PER3: variants seen among roughly 807,000 people sequenced by gnomAD.
PER3 encodes period circadian regulator 3.
Under a neutral mutation model 127.2 loss-of-function variants are expected in PER3, and 107 were observed. The ratio of observed to expected loss-of-function variants is 0.84; its 90% confidence interval spans 0.72 to 0.99. The LOEUF (loss-of-function observed/expected upper bound fraction) is 0.99. PER3 is among the 50% of genes least tolerant of loss of function. The pLI is 0.00. For synonymous variants in PER3, 618 were observed against 585.8 expected (o/e 1.05, Z -0.79); for missense variants, 1,560 against 1,525.8 (o/e 1.02, Z -0.37).
intron 7 of PER3, among the ~76,000 whole-genome samples, chr1:7,800,438 C>T (rs566317559): frequency 1.3e-5 from 2 of 151,562 alleles, no homozygotes; most frequent in Non-Finnish European, 2.9e-5. Context: ...AAATTCCTGA[C>T]CTCAAGTGAT....
intron 3 of PER3, 56 bp from the exon 4 acceptor site, chr1:7,786,665 T>C: frequency 2.2e-6 from 2 of 892,048 alleles, no homozygotes; most frequent in Non-Finnish European, 3.8e-6. Flanking sequence ...GATGAAATGG[T>C]TTCCTAAAGA....
intron 13 of PER3, among the ~76,000 whole-genome samples, chr1:7,811,224 A>C (rs1390673770): frequency 6.6e-6 from 1 of 152,224 alleles, no homozygotes; most frequent in Non-Finnish European, 1.5e-5. Flanking sequence ...ATGTTAATAT[A>C]ACTTGGAAGT....
intron 6 of PER3, among the ~76,000 whole-genome samples, chr1:7,796,654 AGT>A (rs1323147375): frequency 6.6e-6 from 1 of 151,998 alleles, no homozygotes; most frequent in Non-Finnish European, 1.5e-5. Context: ...TGTTGGCTGC[AGT>A]GTTGAAGATA....
chr1:7,825,449 T>TA (rs1430932834), intron 16 of PER3, among the ~76,000 whole-genome samples: 1 of 152,196 alleles, frequency 6.6e-6, no homozygotes, highest in East Asian at 1.9e-4. Flanking sequence ...AGTGTAGAAG[T>TA]ATGAGACAAC....
chr1:7,836,112 C>A (rs2097357112), intron 20 of PER3, among the ~76,000 whole-genome samples, 167 bp downstream of exon 20: 1 of 152,164 alleles, frequency 6.6e-6, no homozygotes, highest in Non-Finnish European at 1.5e-5. Flanking sequence ...ATTCTTCTGC[C>A]TCAGCCTCCC....
chr1:7,822,928 C>T (rs2097284110), intron 16 of PER3, among the ~76,000 whole-genome samples: 1 of 151,934 alleles, frequency 6.6e-6, no homozygotes, highest in African/African-American at 2.4e-5. Flanking sequence ...GTGTGGTGAC[C>T]CACACCTGTA....
chr1:7,822,317 G>A (rs1471981990), intron 16 of PER3, among the ~76,000 whole-genome samples: 3 of 151,204 alleles, frequency 2.0e-5, no homozygotes, highest in Admixed American at 6.6e-5. Flanking sequence ...GTGCAGTGGT[G>A]CGATCTCAGC....
At chr1:7,821,783 A>C (rs1202524139) in intron 16 of PER3, among the ~76,000 whole-genome samples, 1 of 152,182 alleles carries the variant, frequency 6.6e-6, no homozygotes, top group Non-Finnish European at 1.5e-5. Context: ...TCTTTATTCC[A>C]TGGAGAAAAA....
intron 21 of PER3, among the ~76,000 whole-genome samples, chr1:7,839,304 AT>A (rs1365170125): frequency 1.3e-5 from 2 of 152,222 alleles, no homozygotes; most frequent in African/African-American, 4.8e-5. Flanking sequence ...AAACATAATT[AT>A]TTTTATGCAT....
Position 7,835,855 on chromosome 1 carries a change from A to G in PER3, c.3308A>G (p.Glu1103Gly), listed in dbSNP as rs745883051. 3.1e-6 allele frequency: 5 copies of G among 1,612,690 alleles called. No homozygotes were observed. The highest frequency in any genetic ancestry group is 4.2e-6 in the Non-Finnish European group (5 of 1,178,638). Residue 1103 changes from glutamate (E) to glycine (G), a missense_variant, in exon 20 of 22, where the codon GAA becomes GGA. Around this residue, in one of 3 missense-constraint regions of PER3, gnomAD observed 199 missense variants for 198.6 expected, o/e 1.00. Transcript: ENST00000377532. ...CAATCTCAGGACGTACAGAAAAAAG[A>G]AACATTTCCTAATGTCGCCGAAGAG... ...GQQSQDVQKK[E>G]TFPNVAEEPI...
Position 7,827,578 on chromosome 1 carries a change from C to G in PER3, c.2649C>G (p.Ala883=). 6.2e-7 allele frequency: 1 copy of G among 1,614,198 alleles called. No individual in the cohort carries two copies. The highest frequency in any genetic ancestry group is 8.5e-7 in the Non-Finnish European group (1 of 1,180,018). ...FLPCPFLGAT[A]SSAISPSMSS... Reference sequence around the variant, plus strand: ...CATGTCCATTCCTGGGGGCGACAGCCTCTTCTGCGATATCACCCTCAATGT... The same window carrying G: ...CATGTCCATTCCTGGGGGCGACAGCGTCTTCTGCGATATCACCCTCAATGT... The change falls in exon 18 of 22, where the codon GCC becomes GCG. Residue 883 remains alanine, a synonymous_variant. Coordinates refer to ENST00000377532, the MANE Select transcript of PER3 (RefSeq NM_001377275.1).
chr1:7,838,726 A>G (rs2151300941), intron 21 of PER3, among the ~76,000 whole-genome samples: 1 of 152,312 alleles, frequency 6.6e-6, no homozygotes, highest in South Asian at 2.1e-4. Context: ...TATGAGTGGA[A>G]TCATACATTA....
At chr1:7,807,613 C>A (rs1036285879) in intron 10 of PER3, among the ~76,000 whole-genome samples, 1 of 152,168 alleles carries the variant, frequency 6.6e-6, no homozygotes, top group African/African-American at 2.4e-5. Context: ...TGGGCCAGTT[C>A]CTCAGAGTAC....
At chr1:7,829,770 G>A (rs2097320882) in intron 18 of PER3, 64 bp from the exon 19 acceptor site, 2 of 1,336,544 alleles carry the variant, frequency 1.5e-6, no homozygotes, top group Admixed American at 1.8e-5. Flanking sequence ...CATGAATAAA[G>A]GAGGACTACT....
At position 7,820,440 on chromosome 1, in the gene PER3, C is replaced by T. The variant is rs762754816; in HGVS notation, c.1784-27C>T. On this transcript the variant is annotated intron_variant, in intron 15 of 21. Transcript: ENST00000377532. ...ATTTCTCGTTGGGAATTTTTCTTTTCACTGTCAGTTTCTCTTACACCACCA... is the reference window on the plus strand; with the variant it reads ...ATTTCTCGTTGGGAATTTTTCTTTTTACTGTCAGTTTCTCTTACACCACCA... 5.1e-6 allele frequency: 8 copies of T among 1,576,636 alleles called. No individual in the cohort carries two copies. In the Admixed American group the frequency reaches 7.7e-5, roughly 15 times the overall value.
Position 7,837,000 on chromosome 1 carries a change from G to A in PER3, c.3400G>A (p.Val1134Ile), listed in dbSNP as rs1277638626. The A allele has an allele frequency of 6.2e-7, 1 of 1,611,934 alleles. No individual in the cohort carries two copies. The highest frequency in any genetic ancestry group is 8.5e-7 in the Non-Finnish European group (1 of 1,178,952). ...AAGATTCTGTTTGTTTGTTTTCAGG[G>A]TTAAAGAAGTTGTACTAAAAGAAGA... ...ILMTYQVPER[V>I]KEVVLKEDLE... Residue 1134 changes from valine (V) to isoleucine (I), a missense_variant and splice_region_variant, in exon 21 of 22, where the codon GTT becomes ATT. By Grantham distance (29) the Val-to-Ile change is conservative. This residue lies in a region of PER3 where 199 missense variants were observed against 198.6 expected (regional missense o/e 1.00). Coordinates refer to ENST00000377532, the MANE Select transcript of PER3 (RefSeq NM_001377275.1).
rs1577584925 is a variant in PER3, at chr1:7,784,785, T to G, written c.-93T>G. 38 of 1,293,746 alleles carry G rather than the reference T, an allele frequency of 2.9e-5. No homozygotes were observed. The highest frequency in any genetic ancestry group is 3.5e-5 in the Non-Finnish European group (35 of 1,005,146). The allele number at this position is 1,293,746 out of a possible 1,614,324, so 80.1% of individuals were successfully genotyped here. ...ACTAACGCCATGGCGGGGACCGGAGTGAGAAACCGGTGTCTGTCACTGACT... is the reference window on the plus strand; with the variant it reads ...ACTAACGCCATGGCGGGGACCGGAGGGAGAAACCGGTGTCTGTCACTGACT... On this transcript the variant is annotated 5_prime_UTR_variant, in exon 2 of 22. Coordinates refer to ENST00000377532, the MANE Select transcript of PER3 (RefSeq NM_001377275.1).
intron 13 of PER3, among the ~76,000 whole-genome samples, chr1:7,812,624 C>CAAAAAAAAAAAAAA (rs35962033): frequency 2.3e-5 from 2 of 85,388 alleles, no homozygotes; most frequent in African/African-American, 1.0e-4. Context: ...GACTCCGTCT[C>CAAAAAAAAAAAAAA]AAAAAAAAAA....
intron 8 of PER3, 122 bp from the exon 9 acceptor site, chr1:7,802,925 G>T (rs1256397373): frequency 2.9e-6 from 2 of 699,070 alleles, no homozygotes; most frequent in Middle Eastern, 3.0e-4. Flanking sequence ...TTTTATAAAT[G>T]CTAAGATAAA....
Sources: allele counts gnomAD v4.1 joint callset (sites outside exome capture counted in the v4.1 genomes callset), GRCh38; gene constraint gnomAD v4.1.1; regional missense constraint gnomAD v4.1.1; transcripts MANE v1.5; gene names NCBI Gene and HGNC (gene_info 2026-07-23, HGNC 2026-07-21).